PNMA6E: variants seen among roughly 807,000 people sequenced by gnomAD.
PNMA6E encodes PNMA family member 6E.
For synonymous variants in PNMA6E, 43 were observed against 17.1 expected (o/e 2.52, Z -3.74); for missense variants, 78 against 50.8 (o/e 1.53, Z -1.63).
In PNMA6E at chrX:153,396,575, G is replaced by A. The variant is rs782232282; in HGVS notation, c.*331C>T. The A allele has an allele frequency of 8.2e-5, 11 of 133,517 alleles. 1 individual carries two copies. Among genetic ancestry groups the A allele is most frequent in the Middle Eastern group, 6.3e-3 (2 of 319 alleles). The allele number at this position is 133,517 out of a possible 1,213,427, so 11.0% of individuals were successfully genotyped here. A position where few individuals can be genotyped will look rare whatever the true frequency, so the allele number is the denominator to read the frequency against. The stretch of plus-strand genomic sequence containing the variant: ...CTCTCCCAACTCACGGCCTGGGTTG[G>A]GGGCAGACATCTTCAGGTGCCCCCA... On this transcript the variant is annotated 3_prime_UTR_variant, in exon 2 of 2. Transcript: ENST00000445091.
chrX:153,409,596 C>T, the PNMA6E span, among the ~76,000 whole-genome samples: 92 of 113,263 alleles, frequency 8.1e-4, no homozygotes, highest in Non-Finnish European at 1.4e-3. Context: ...CTAGGCGTCG[C>T]GCTCTTCAGC....
At chrX:153,411,368 C>T in the PNMA6E span, among the ~76,000 whole-genome samples, 1 of 112,254 alleles carries the variant, frequency 8.9e-6, no homozygotes, top group East Asian at 2.9e-4. Context: ...GCCAGACGCC[C>T]CTGTGGGGCG....
chrX:153,402,251 T>C (rs1182144993), upstream of PNMA6E, among the ~76,000 whole-genome samples: 1 of 112,290 alleles, frequency 8.9e-6, no homozygotes, highest in Non-Finnish European at 1.9e-5. Flanking sequence ...AGCTCTGTTA[T>C]TGGGTGCAAA....
chrX:153,398,936 G>C lies in PNMA6E; in HGVS notation c.-71-16C>G. 3.4e-6 allele frequency: 1 copy of C among 296,938 alleles called. No individual in the cohort carries two copies. The highest frequency in any genetic ancestry group is 5.9e-6 in the Non-Finnish European group (1 of 170,116). 24.5% of individuals were successfully genotyped at this position (296,938 alleles called of 1,213,427 possible). A position where few individuals can be genotyped will look rare whatever the true frequency, so the allele number is the denominator to read the frequency against. On this transcript the variant is annotated splice_polypyrimidine_tract_variant and intron_variant, in intron 1 of 1. Transcript: ENST00000445091. ...CCGACACAGCCTGTGAGTGCAAAGA[G>C]AGAAGCTTGTTTGTGCCAAACACTC... is the stretch of plus-strand genomic sequence containing the variant.
the PNMA6E span, among the ~76,000 whole-genome samples, chrX:153,411,537 C>T: frequency 8.9e-6 from 1 of 112,753 alleles, no homozygotes; most frequent in Non-Finnish European, 1.9e-5. Context: ...TCTTCGCGAG[C>T]GGTACCCAGA....
upstream of PNMA6E, among the ~76,000 whole-genome samples, chrX:153,401,730 ATGTTTTGTTT>A (rs782346233): frequency 4.8e-4 from 51 of 106,011 alleles, no homozygotes; most frequent in African/African-American, 1.2e-3. Context: ...AAAAGATCCT[ATGTTTTGTTT>A]TGTTTTGTTT....
chrX:153,399,094 G>C (rs2088831252), intron 1 of PNMA6E, among the ~76,000 whole-genome samples, 174 bp from the exon 2 acceptor site: 1 of 112,124 alleles, frequency 8.9e-6, no homozygotes, highest in African/African-American at 3.2e-5. Flanking sequence ...GCAAGATACA[G>C]GGCTAGTCAC....
the PNMA6E span, among the ~76,000 whole-genome samples, chrX:153,412,507 T>C: frequency 8.9e-6 from 1 of 112,366 alleles, no homozygotes; most frequent in Non-Finnish European, 1.9e-5. Context: ...TAAAAGGCAG[T>C]AAGAGCCGGG....
At chrX:153,412,986 G>T in the PNMA6E span, among the ~76,000 whole-genome samples, 4 of 111,540 alleles carry the variant, frequency 3.6e-5, no homozygotes, top group South Asian at 1.5e-3. Context: ...GAGGGCCCCG[G>T]TCGACCCATG....
At chrX:153,406,228 G>A (rs781853121), upstream of PNMA6E, among the ~76,000 whole-genome samples, 8 of 112,312 alleles carry the variant, frequency 7.1e-5, no homozygotes, top group Admixed American at 2.8e-4. Flanking sequence ...CGACGGCATC[G>A]GCGGAGAGCT....
upstream of PNMA6E, among the ~76,000 whole-genome samples, chrX:153,405,146 G>A (rs1556971945): frequency 8.9e-6 from 1 of 112,378 alleles, no homozygotes; most frequent in African/African-American, 3.2e-5. Flanking sequence ...CTGTCGCCTT[G>A]TGAGTGACCC....
chrX:153,411,795 T>TGCG, the PNMA6E span, among the ~76,000 whole-genome samples: 2 of 111,814 alleles, frequency 1.8e-5, no homozygotes, highest in Non-Finnish European at 3.8e-5. Flanking sequence ...ACGAGGGAGC[T>TGCG]GCGGCGGCGG....
chrX:153,411,430 C>T, the PNMA6E span, among the ~76,000 whole-genome samples: 1 of 112,280 alleles, frequency 8.9e-6, no homozygotes, highest in Non-Finnish European at 1.9e-5. Context: ...CATGCCCCCC[C>T]CACAACGCGC....
At chrX:153,405,731 T>G, upstream of PNMA6E, among the ~76,000 whole-genome samples, 1 of 110,366 alleles carries the variant, frequency 9.1e-6, no homozygotes, top group Non-Finnish European at 1.9e-5. Flanking sequence ...CCAACAGCCA[T>G]GTAGCCACGT....
intron 1 of PNMA6E, among the ~76,000 whole-genome samples, chrX:153,399,832 T>C (rs2088836902): frequency 1.8e-5 from 2 of 112,108 alleles, no homozygotes; most frequent in Admixed American, 1.9e-4. Context: ...TTTTATGTTC[T>C]TTTTTTCTGT....
At chrX:153,413,255 CT>C in the PNMA6E span, among the ~76,000 whole-genome samples, 1 of 105,553 alleles carries the variant, frequency 9.5e-6, no homozygotes, top group African/African-American at 3.5e-5. Flanking sequence ...TGTGTGGGTT[CT>C]TTTTTCTTTT....
rs2088813694 is a variant in PNMA6E at position 153,397,136 on chromosome X, C to G, written c.1714G>C (p.Ala572Pro). The G allele has an allele frequency of 2.0e-5, 6 of 296,972 alleles. 1 individual carries two copies. In the South Asian group the frequency reaches 1.0e-3, roughly 50 times the overall value. The allele number at this position is 296,972 out of a possible 1,213,427, so 24.5% of individuals were successfully genotyped here. The change falls in exon 2 of 2, where the codon GCA becomes CCA. Residue 572 changes from alanine (A) to proline (P), a missense_variant. By Grantham distance (27) the Ala-to-Pro change is conservative. Transcript: ENST00000445091. ...APAGPEGLGQARPIEVPWGSS... is the reference protein window; with the variant it reads ...APAGPEGLGQPRPIEVPWGSS... ...CCCCAGGGGACCTCTATGGGCCTTG[C>G]CTGACCTAGGCCTTCGGGGCCTGCA...
chrX:153,410,603 G>A, the PNMA6E span, among the ~76,000 whole-genome samples: 136 of 112,699 alleles, frequency 1.2e-3, no homozygotes, highest in East Asian at 5.6e-4. Flanking sequence ...CCAGATGGAC[G>A]GCTTTTGTTC....
At chrX:153,411,715 G>A in the PNMA6E span, among the ~76,000 whole-genome samples, 1 of 113,132 alleles carries the variant, frequency 8.8e-6, no homozygotes, top group Non-Finnish European at 1.9e-5. Flanking sequence ...TAAGAGGGCC[G>A]AGCTGGGCCG....
Sources: gnomAD v4.1 joint callset for allele counts (sites outside exome capture counted in the v4.1 genomes callset) on GRCh38, gnomAD v4.1.1 for gene constraint, MANE v1.5 for transcripts, NCBI Gene and HGNC (gene_info 2026-07-23, HGNC 2026-07-21) for gene names.